Variants in LRRC4C observed in about 807,000 individuals in gnomAD.
LRRC4C encodes leucine rich repeat containing 4C, also known as leucine-rich repeat-containing protein 4C.
Under a neutral mutation model 33.6 loss-of-function variants are expected in LRRC4C, and 5 were observed. The ratio of observed to expected loss-of-function variants is 0.15; its 90% confidence interval spans 0.08 to 0.31. The LOEUF (loss-of-function observed/expected upper bound fraction) is 0.31, where lower values mean the gene tolerates loss of function less well. Among genes scored for constraint, LRRC4C ranks in the 10% least tolerant of loss-of-function variants. The pLI is 1.00. For missense variants in LRRC4C, 560 were observed against 796.7 expected, an observed-to-expected ratio of 0.70 and a Z score of 3.58; for synonymous variants, 329 against 302.0, an observed-to-expected ratio of 1.09 and a Z score of -0.93.
intron 1 of LRRC4C, among the ~76,000 whole-genome samples, chr11:41,056,143 C>T (rs1858605834): frequency 6.6e-6 from 1 of 152,146 alleles, no homozygotes. Flanking sequence ...ACTAATATCA[C>T]TTTGCAGAAA....
At chr11:41,403,690 T>C (rs1408787536) in intron 1 of LRRC4C, among the ~76,000 whole-genome samples, 1 of 152,106 alleles carries the variant, frequency 6.6e-6, no homozygotes, top group African/African-American at 2.4e-5. Context: ...GGACATATTA[T>C]TGTATTTCTA....
intron 2 of LRRC4C, among the ~76,000 whole-genome samples, chr11:40,828,072 A>G (rs1016085851): frequency 4.0e-5 from 6 of 151,780 alleles, no homozygotes; most frequent in Non-Finnish European, 7.4e-5. Flanking sequence ...ACAGTGCCTA[A>G]GCTAAAAAAT....
At chr11:40,585,021 G>GATGGTTCTAGAACATATGAGAT (rs1293055992) in intron 3 of LRRC4C, among the ~76,000 whole-genome samples, 1 of 151,866 alleles carries the variant, frequency 6.6e-6, no homozygotes, top group Admixed American at 6.6e-5. Context: ...AGATATGACA[G>GATGGTTCTAGAACATATGAGAT]ATGGGGATGG....
At chr11:41,442,705 G>C (rs945801531) in intron 1 of LRRC4C, among the ~76,000 whole-genome samples, 1 of 151,906 alleles carries the variant, frequency 6.6e-6, no homozygotes, top group Non-Finnish European at 1.5e-5. Context: ...TCCTGACCTC[G>C]TGATCCGCCC....
chr11:41,070,952 C>T (rs867150244), intron 1 of LRRC4C, among the ~76,000 whole-genome samples: 12 of 152,088 alleles, frequency 7.9e-5, no homozygotes, highest in South Asian at 4.1e-4. Flanking sequence ...TACATGCACA[C>T]GTATGCTTAT....
intron 1 of LRRC4C, among the ~76,000 whole-genome samples, chr11:41,427,627 A>G (rs1038642041): frequency 1.3e-5 from 2 of 152,172 alleles, no homozygotes; most frequent in Non-Finnish European, 2.9e-5. Flanking sequence ...TAGAAACAGT[A>G]GGAAGCCAGG....
chr11:40,776,567 A>G, intron 2 of LRRC4C, among the ~76,000 whole-genome samples: 1 of 152,020 alleles, frequency 6.6e-6, no homozygotes, highest in Non-Finnish European at 1.5e-5. Context: ...ATGTGGGATC[A>G]GTTGGAATCT....
chr11:40,164,960 A>G (rs1429056426), intron 5 of LRRC4C, among the ~76,000 whole-genome samples: 2 of 152,214 alleles, frequency 1.3e-5, no homozygotes, highest in East Asian at 1.9e-4. Flanking sequence ...CATGTTACCA[A>G]ATTGAAGTAT....
rs1426413433 is a variant in LRRC4C at position 40,633,351 on chromosome 11, T to TTCTC, written c.-270+14790_-270+14791insGAGA. ...TTTCTTTCTTTCTTTCTTTCTTTCT[T>TTCTC]TCTTTCTTTCTTTCTTTCTTTCTCT... is the stretch of plus-strand genomic sequence containing the variant. On this transcript the variant is annotated intron_variant, in intron 3 of 6. Transcript: ENST00000528697. Among the ~76,000 whole-genome samples the TTCTC allele has an allele frequency of 5.3e-5, 2 of 37,702 alleles. 1 individual carries two copies. The highest frequency in any genetic ancestry group is 2.9e-4 in the African/African-American group (2 of 6,962). 24.7% of individuals were successfully genotyped at this position (37,702 alleles called of 152,430 possible).
At chr11:40,712,167 G>C (rs1946499830) in intron 2 of LRRC4C, among the ~76,000 whole-genome samples, 1 of 152,092 alleles carries the variant, frequency 6.6e-6, no homozygotes, top group Non-Finnish European at 1.5e-5. Context: ...ATTGACAAAT[G>C]CTCTGCATTT....
At chr11:40,138,830 A>G (rs1565039763) in intron 6 of LRRC4C, among the ~76,000 whole-genome samples, 1 of 152,326 alleles carries the variant, frequency 6.6e-6, no homozygotes, top group East Asian at 1.9e-4. Context: ...CAGGAGAAAT[A>G]TCATTCTGGG....
intron 5 of LRRC4C, among the ~76,000 whole-genome samples, chr11:40,202,155 A>AAAT (rs1174165888): frequency 4.1e-5 from 6 of 145,606 alleles, no homozygotes; most frequent in Non-Finnish European, 9.0e-5. Flanking sequence ...AACACTTGGG[A>AAAT]AATAGCTTTT....
intron 3 of LRRC4C, among the ~76,000 whole-genome samples, chr11:40,631,673 A>G (rs1256970693): frequency 6.6e-6 from 1 of 152,170 alleles, no homozygotes. Context: ...CTAACATAGC[A>G]TTGGCAAAGT....
At chr11:40,402,883 G>A (rs146456981) in intron 3 of LRRC4C, among the ~76,000 whole-genome samples, 102 of 152,118 alleles carry the variant, frequency 6.7e-4, no homozygotes, top group Middle Eastern at 3.4e-3. Flanking sequence ...GCTGGTTGTG[G>A]GAGATCTTTC....
chr11:40,573,398 A>G (rs1377813550), intron 3 of LRRC4C, among the ~76,000 whole-genome samples: 2 of 152,186 alleles, frequency 1.3e-5, no homozygotes, highest in Non-Finnish European at 2.9e-5. Flanking sequence ...AGTAAATACC[A>G]TTCTCTACAC....
At chr11:40,283,267 C>T (rs373736515) in intron 4 of LRRC4C, among the ~76,000 whole-genome samples, 2 of 152,180 alleles carry the variant, frequency 1.3e-5, no homozygotes, top group African/African-American at 4.8e-5. Context: ...TTTCAAAAAG[C>T]CAACTAGATT....
intron 1 of LRRC4C, among the ~76,000 whole-genome samples, chr11:41,274,209 G>A (rs1949407852): frequency 6.6e-6 from 1 of 152,154 alleles, no homozygotes; most frequent in African/African-American, 2.4e-5. Flanking sequence ...TGGGAGGGCA[G>A]AGGAGGCACT....
At chr11:40,826,648 T>C (rs1363925524) in intron 2 of LRRC4C, among the ~76,000 whole-genome samples, 1 of 151,970 alleles carries the variant, frequency 6.6e-6, no homozygotes, top group African/African-American at 2.4e-5. Flanking sequence ...TCCAGTTGGT[T>C]CCATTTTTGG....
chr11:41,432,785 A>G (rs902794907), intron 1 of LRRC4C, among the ~76,000 whole-genome samples: 3 of 152,116 alleles, frequency 2.0e-5, no homozygotes, highest in Non-Finnish European at 4.4e-5. Context: ...TAATGAGACC[A>G]AAATCAGGGC....
Sources: allele counts gnomAD v4.1 joint callset (sites outside exome capture counted in the v4.1 genomes callset), GRCh38; gene constraint gnomAD v4.1.1; transcripts MANE v1.5; gene names NCBI Gene and HGNC (gene_info 2026-07-23, HGNC 2026-07-21).